Variants in DCK observed in about 807,000 individuals in gnomAD.
The protein encoded by DCK is deoxyadenosine kinase.
A neutral mutation model predicts 38.3 loss-of-function variants in DCK; 23 were observed. The observed-to-expected ratio is 0.60, with a 90% confidence interval of 0.43 to 0.85. The LOEUF is 0.85. DCK is among the 40% of genes least tolerant of loss of function. DCK has a pLI of 0.00. For synonymous variants in DCK, 108 were observed against 100.6 expected (o/e 1.07, Z -0.44); for missense variants, 259 against 304.4 (o/e 0.85, Z 1.11).
chr4:71,011,270 G>T (rs1740083050), intron 2 of DCK, among the ~76,000 whole-genome samples: 3 of 134,418 alleles, frequency 2.2e-5, no homozygotes, highest in South Asian at 4.6e-4. Flanking sequence ...ACGGAGTCTT[G>T]CTCTGTCCCT....
intron 1 of DCK, among the ~76,000 whole-genome samples, chr4:70,994,791 T>C (rs80195453): frequency 1.4e-3 from 209 of 152,286 alleles, no homozygotes; most frequent in African/African-American, 4.9e-3. Flanking sequence ...CAAGTAAACA[T>C]TGGATTATGA....
chr4:70,998,353 A>G (rs546005977), intron 2 of DCK, among the ~76,000 whole-genome samples, 171 bp downstream of exon 2: 10 of 152,262 alleles, frequency 6.6e-5, no homozygotes, highest in African/African-American at 1.2e-4. Flanking sequence ...CTCCATATCA[A>G]TGGGTTTCAG....
chr4:71,010,682 AATT>A (rs1460438376), intron 2 of DCK, among the ~76,000 whole-genome samples: 1 of 147,662 alleles, frequency 6.8e-6, no homozygotes, highest in Non-Finnish European at 1.5e-5. Flanking sequence ...ATAATATAAA[AATT>A]ATATACATAA....
At chr4:70,999,027 TTTG>T (rs1191194649) in intron 2 of DCK, among the ~76,000 whole-genome samples, 1 of 152,186 alleles carries the variant, frequency 6.6e-6, no homozygotes, top group Non-Finnish European at 1.5e-5. Flanking sequence ...AATTTCTTTT[TTTG>T]TTGTTATCCT....
chr4:71,019,758 C>T (rs992960905), intron 2 of DCK, among the ~76,000 whole-genome samples: 1 of 150,172 alleles, frequency 6.7e-6, no homozygotes, highest in African/African-American at 2.4e-5. Context: ...ACACACGTTA[C>T]ATTTGGTGGT....
chr4:71,006,026 T>A (rs1388338826), intron 2 of DCK, among the ~76,000 whole-genome samples: 3 of 142,204 alleles, frequency 2.1e-5, no homozygotes, highest in Middle Eastern at 3.7e-3. Context: ...CTCAGGAGGC[T>A]GAGGCGGGAG....
chr4:71,004,488 C>T (rs1448519863), intron 2 of DCK, among the ~76,000 whole-genome samples: 3 of 152,332 alleles, frequency 2.0e-5, no homozygotes, highest in East Asian at 1.9e-4. Flanking sequence ...TTGAGCGCTG[C>T]GCTGGGAGTT....
Position 71,023,568 on chromosome 4 carries a change from T to C in DCK, c.411T>C (p.Phe137=). The part of the protein sequence containing the change: ...ERSVYSDRYI[F]ASNLYESECM... ...GAAGACTCTCTTTTAGGTATATTTT[T>C]GCATCTAATTTGTATGAATCTGAAT... The change falls in exon 4 of 7, where the codon TTT becomes TTC. Residue 137 remains phenylalanine (F), a synonymous_variant. Transcript: ENST00000286648. 6.3e-7 allele frequency: 1 copy of C among 1,589,644 alleles called. No homozygotes were observed. The highest frequency in any genetic ancestry group is 1.1e-5 in the South Asian group (1 of 87,754).
Position 71,023,715 on chromosome 4 carries a change from C to A in DCK, c.549+9C>A. ...TTCAAGCCACTCCAGAGGTAAAACC[C>A]AATAAAAATGTGTTTCACTGAAAAT... On this transcript the variant is annotated intron_variant, in intron 4 of 6. Transcript: ENST00000286648. 1 of 1,596,498 alleles carries A rather than the reference C, an allele frequency of 6.3e-7. No individual in the cohort carries two copies. The highest frequency in any genetic ancestry group is 8.5e-7 in the Non-Finnish European group (1 of 1,174,544).
chr4:71,012,289 C>T (rs1740120636), intron 2 of DCK, among the ~76,000 whole-genome samples: 1 of 152,210 alleles, frequency 6.6e-6, no homozygotes, highest in Non-Finnish European at 1.5e-5. Context: ...TGGGTGGAGC[C>T]CACCGCTGCT....
intron 1 of DCK, among the ~76,000 whole-genome samples, chr4:70,995,295 G>T (rs933756207): frequency 6.6e-6 from 1 of 152,218 alleles, no homozygotes; most frequent in African/African-American, 2.4e-5. Context: ...CATCTGAAAA[G>T]TAAATTTGAG....
chr4:71,006,312 G>T, intron 2 of DCK: 1 of 961,294 alleles, frequency 1.0e-6, no homozygotes, highest in Non-Finnish European at 1.2e-6. Flanking sequence ...CTGCAAATGA[G>T]GAAGAAAGAG....
chr4:70,994,147 C>T (rs1025096771), intron 1 of DCK: 1 of 584,728 alleles, frequency 1.7e-6, no homozygotes, highest in African/African-American at 1.9e-5. Context: ...GGCGCCAGGC[C>T]TGCGGTCTCT....
At chr4:71,024,097 A>G (rs1411737893) in intron 4 of DCK, among the ~76,000 whole-genome samples, 1 of 152,158 alleles carries the variant, frequency 6.6e-6, no homozygotes, top group Non-Finnish European at 1.5e-5. Context: ...TGCCTAGAAC[A>G]CCCAGTGCTG....
intron 2 of DCK, among the ~76,000 whole-genome samples, chr4:71,002,395 T>G (rs1252729375): frequency 6.6e-6 from 1 of 152,212 alleles, no homozygotes; most frequent in Non-Finnish European, 1.5e-5. Flanking sequence ...ATGTGGTCAA[T>G]TTTAGAGTAA....
intron 2 of DCK, among the ~76,000 whole-genome samples, chr4:71,017,936 T>A (rs963257812): frequency 4.0e-5 from 6 of 151,726 alleles, no homozygotes; most frequent in Non-Finnish European, 5.9e-5. Context: ...AAAAAAAAAA[T>A]TTATATATCA....
At chr4:70,994,223 G>A (rs1739608442) in intron 1 of DCK, among the ~76,000 whole-genome samples, 1 of 152,318 alleles carries the variant, frequency 6.6e-6, no homozygotes. Flanking sequence ...CGGGGGAAGG[G>A]TATTAGATTT....
intron 2 of DCK, 63 bp downstream of exon 2, chr4:70,998,245 C>CTCTTTT (rs1196582225): frequency 2.7e-6 from 2 of 740,808 alleles, no homozygotes; most frequent in Non-Finnish European, 4.5e-6. Flanking sequence ...AGTACTTAAT[C>CTCTTTT]TCTTTTTCTT....
chr4:71,002,201 T>C (rs1271998158), intron 2 of DCK, among the ~76,000 whole-genome samples: 1 of 152,214 alleles, frequency 6.6e-6, no homozygotes, highest in African/African-American at 2.4e-5. Flanking sequence ...AAAGAACTTA[T>C]TTATTTCTGC....
Sources: gnomAD v4.1 joint callset for allele counts (sites outside exome capture counted in the v4.1 genomes callset) on GRCh38, gnomAD v4.1.1 for gene constraint, MANE v1.5 for transcripts, NCBI Gene and HGNC (gene_info 2026-07-23, HGNC 2026-07-21) for gene names.